INPP4A: variants seen among roughly 807,000 people sequenced by gnomAD.
INPP4A encodes inositol polyphosphate-4-phosphatase, type I, 107kD.
A neutral mutation model predicts 119.8 loss-of-function variants in INPP4A; 33 were observed. That is an observed-to-expected ratio of 0.28 (90% confidence interval 0.21 to 0.37). The LOEUF is 0.37. Among genes scored for constraint, INPP4A ranks in the 10% least tolerant of loss-of-function variants. The pLI is 1.00. For missense variants in INPP4A, 956 were observed against 1,289.9 expected (o/e 0.74, Z 3.97); for synonymous variants, 496 against 500.7 (o/e 0.99, Z 0.12).
chr2:98,558,407 A>C (rs970560803), intron 16 of INPP4A, among the ~76,000 whole-genome samples: 4 of 152,192 alleles, frequency 2.6e-5, no homozygotes, highest in African/African-American at 9.6e-5. Flanking sequence ...GTGGGTTTCT[A>C]TCTTTGTTAG....
intron 4 of INPP4A, among the ~76,000 whole-genome samples, chr2:98,528,750 G>A (rs990370842): frequency 2.0e-5 from 3 of 152,178 alleles, no homozygotes; most frequent in African/African-American, 4.8e-5. Flanking sequence ...GTAGGGTGAT[G>A]TATTCAAACT....
rs1694146569 is a variant in INPP4A at position 98,554,689 on chromosome 2, G to C, written c.1566+200G>C. On this transcript the variant is annotated intron_variant, in intron 15 of 24. Transcript: ENST00000409851. This position sits in a 1 kb window ranked among gnomAD's most constrained non-coding sequence, Gnocchi z 4.7. ...TTTCAAACCCTTGTGTCCAGATAGG[G>C]GTAGGGCTGTGCTGGGGGCTGGGCC... 6.6e-6 allele frequency among the ~76,000 whole-genome samples: 1 copy of C among 152,174 alleles called. No individual in the cohort carries two copies. The highest frequency in any genetic ancestry group is 6.5e-5 in the Admixed American group (1 of 15,288).
intron 1 of INPP4A, among the ~76,000 whole-genome samples, chr2:98,458,467 T>C (rs1489773634): frequency 4.6e-5 from 7 of 152,228 alleles, no homozygotes; most frequent in African/African-American, 1.7e-4. Context: ...CTGCCTGTGA[T>C]GCCTGAGCCT....
chr2:98,533,536 G>T (rs1034398150), intron 5 of INPP4A, 41 bp downstream of exon 5: 1 of 1,179,308 alleles, frequency 8.5e-7, no homozygotes, highest in Admixed American at 1.7e-5. Flanking sequence ...TGTGGGACAT[G>T]CTCTAGTGGT....
intron 17 of INPP4A, among the ~76,000 whole-genome samples, chr2:98,561,252 G>A (rs1448286432): frequency 4.6e-5 from 7 of 152,202 alleles, no homozygotes; most frequent in Admixed American, 2.0e-4. Flanking sequence ...CTACAAAAAC[G>A]TGGGTCAGCG....
At chr2:98,492,162 T>A (rs1489440465) in intron 1 of INPP4A, among the ~76,000 whole-genome samples, 3 of 152,170 alleles carry the variant, frequency 2.0e-5, no homozygotes, top group African/African-American at 4.8e-5. Flanking sequence ...CTGCTGGGAT[T>A]ACCGGTGTGA....
At chr2:98,528,796 G>A (rs1211437495) in intron 4 of INPP4A, among the ~76,000 whole-genome samples, 4 of 152,092 alleles carry the variant, frequency 2.6e-5, no homozygotes, top group African/African-American at 7.2e-5. Flanking sequence ...TTTTCTATTC[G>A]GCCAGGCGCA....
At chr2:98,520,275 C>G in intron 3 of INPP4A, 121 bp downstream of exon 3, 1 of 773,106 alleles carries the variant, frequency 1.3e-6, no homozygotes, top group South Asian at 1.7e-5. Context: ...CTACAGGGTA[C>G]CCTGGTTTGG....
At chr2:98,475,653 A>G (rs1677053689) in intron 1 of INPP4A, among the ~76,000 whole-genome samples, 1 of 152,264 alleles carries the variant, frequency 6.6e-6, no homozygotes, top group African/African-American at 2.4e-5. Context: ...TGCATGACCA[A>G]CAATGGTTGT....
At chr2:98,510,634 T>C (rs1441110625) in intron 1 of INPP4A, among the ~76,000 whole-genome samples, 1 of 152,160 alleles carries the variant, frequency 6.6e-6, no homozygotes, top group African/African-American at 2.4e-5. Context: ...TAATCCCACC[T>C]ATGAGGCCAG....
intron 1 of INPP4A, among the ~76,000 whole-genome samples, chr2:98,503,951 TACTC>T (rs1440253592): frequency 2.0e-5 from 3 of 152,256 alleles, no homozygotes; most frequent in Non-Finnish European, 2.9e-5. Flanking sequence ...TGGTTGAACT[TACTC>T]AACCACAGCT....
intron 7 of INPP4A, among the ~76,000 whole-genome samples, chr2:98,536,927 T>C (rs891324927): frequency 6.6e-6 from 1 of 152,204 alleles, no homozygotes; most frequent in Non-Finnish European, 1.5e-5. Context: ...TTAGTTTGTT[T>C]AGAGAACTTG....
rs148927719 is a variant in INPP4A, at chr2:98,542,986, C to T, written c.819-891C>T. Among the ~76,000 whole-genome samples the T allele has an allele frequency of 6.5e-4, 98 of 151,740 alleles. 2 individuals carry two copies. In the East Asian group the frequency reaches 0.01, roughly 16 times the overall value. On this transcript the variant is annotated intron_variant, in intron 10 of 24. Transcript: ENST00000409851. Reference sequence around the variant, plus strand: ...CTAGGCTGGAGTGCAGTGGTGCGATCCTGGCTCACTGCAAGCCCCGCCTCC... The same window carrying T: ...CTAGGCTGGAGTGCAGTGGTGCGATTCTGGCTCACTGCAAGCCCCGCCTCC...
chr2:98,464,393 A>G (rs1674297740), intron 1 of INPP4A, among the ~76,000 whole-genome samples: 1 of 152,208 alleles, frequency 6.6e-6, no homozygotes, highest in African/African-American at 2.4e-5. Flanking sequence ...TCGCTCCTCA[A>G]AGAGGAAAAT....
rs936063532 is a variant in INPP4A at position 98,563,399 on chromosome 2, A to G, written c.1856-66A>G. 3 of 1,464,438 alleles carry G rather than the reference A, an allele frequency of 2.0e-6. No homozygotes were observed. The African/African-American group carries it at 4.2e-5, about 21-fold the overall frequency. The allele number at this position is 1,464,438 out of a possible 1,614,324, so 90.7% of individuals were successfully genotyped here. A position where few individuals can be genotyped will look rare whatever the true frequency, so the allele number is the denominator to read the frequency against. On this transcript the variant is annotated intron_variant, in intron 17 of 24. Transcript: ENST00000409851. ...GTGGTTAGGGGCCAGGTGACTTGTT[A>G]AATTGCCAGAACCTAATTCTTAAAA...
At chr2:98,544,121 G>A (rs898967829) in intron 11 of INPP4A, 114 bp downstream of exon 11, 3 of 973,762 alleles carry the variant, frequency 3.1e-6, no homozygotes, top group African/African-American at 3.2e-5. Context: ...TGGAACACAG[G>A]GTCACTTACA....
intron 21 of INPP4A, among the ~76,000 whole-genome samples, chr2:98,567,260 T>C (rs1012643329): frequency 6.6e-6 from 1 of 151,806 alleles, no homozygotes; most frequent in African/African-American, 2.4e-5. Flanking sequence ...GGGGAACTGT[T>C]AAAGTGGTCA....
intron 10 of INPP4A, among the ~76,000 whole-genome samples, chr2:98,540,025 A>G (rs1461503099): frequency 1.3e-5 from 2 of 152,050 alleles, no homozygotes; most frequent in African/African-American, 4.8e-5. Flanking sequence ...CTCTTCTCCC[A>G]GGTTCAAGTA....
intron 7 of INPP4A, among the ~76,000 whole-genome samples, chr2:98,536,823 G>A (rs1690376346): frequency 6.6e-6 from 1 of 152,204 alleles, no homozygotes; most frequent in Non-Finnish European, 1.5e-5. Flanking sequence ...AGTCCCTGCA[G>A]TATTGAGACA....
Sources: allele counts gnomAD v4.1 joint callset (sites outside exome capture counted in the v4.1 genomes callset), GRCh38; gene constraint gnomAD v4.1.1; non-coding constraint Gnocchi (gnomAD v3.1); transcripts MANE v1.5; gene names NCBI Gene and HGNC (gene_info 2026-07-23, HGNC 2026-07-21).